ANGPTL7: variants seen among roughly 807,000 people sequenced by gnomAD.
ANGPTL7 encodes angiopoietin-related protein 7.
In ANGPTL7, 37 loss-of-function variants were observed where a neutral mutation model predicts 38.8. The observed-to-expected ratio is 0.95, with a 90% CI of 0.73 to 1.25. The LOEUF is 1.25. Among genes scored for constraint, ANGPTL7 ranks in the 50% most tolerant of loss-of-function variants. The pLI, the probability that ANGPTL7 is intolerant of heterozygous loss-of-function variation, is 0.00. For synonymous variants in ANGPTL7, 166 were observed against 163.2 expected, an observed-to-expected ratio of 1.02 and a Z score of -0.13; for missense variants, 427 against 438.6, an observed-to-expected ratio of 0.97 and a Z score of 0.24.
intron 1 of ANGPTL7, 117 bp from the exon 2 acceptor site, chr1:11,192,153 T>TG (rs1645563187): frequency 5.2e-6 from 4 of 774,148 alleles, no homozygotes; most frequent in Non-Finnish European, 8.7e-6. Flanking sequence ...CAGACACTGA[T>TG]GGGTAATTAA....
rs989129058 is a variant in ANGPTL7, at chr1:11,194,407, C to G, written c.673-54C>G. ...TGTCAGGAGAGAAGGGGTATAGAGACAGCATGAAATGGAGCCTGCTGCACT... is the reference window on the plus strand; with the variant it reads ...TGTCAGGAGAGAAGGGGTATAGAGAGAGCATGAAATGGAGCCTGCTGCACT... On this transcript the variant is annotated intron_variant, in intron 3 of 4. Transcript: ENST00000376819. 7.3e-5 allele frequency: 113 copies of G among 1,556,346 alleles called. No individual in the cohort carries two copies. The Admixed American group carries it at 1.9e-3, about 26-fold the overall frequency.
chr1:11,195,595 C>T lies in ANGPTL7; in HGVS notation c.*572C>T, dbSNP rs956724524. 3 of 154,182 alleles carry T rather than the reference C, an allele frequency of 1.9e-5. No homozygotes were observed. Among genetic ancestry groups the T allele is most frequent in the Admixed American group, 1.3e-4 (2 of 15,542 alleles). The allele number at this position is 154,182 out of a possible 1,614,324, so 9.6% of individuals were successfully genotyped here. A position where few individuals can be genotyped will look rare whatever the true frequency, so the allele number is the denominator to read the frequency against. ...CTGGAACTGACCCAGGCTGGACTTG[C>T]GGGGAGGAAACTCCAGGGCACTGCA... On this transcript the variant is annotated 3_prime_UTR_variant, in exon 5 of 5. Coordinates refer to ENST00000376819, the MANE Select transcript of ANGPTL7 (RefSeq NM_021146.4).
In ANGPTL7 at chr1:11,194,934, G is replaced by C; in HGVS notation, c.952G>C (p.Asp318His). ...CCTGGGTGAGCACAATAAGCACCTG[G>C]ATGGCATCACCTGGTATGGCTGGCA... ...YRLGEHNKHL[D>H]GITWYGWHGS... Residue 318 changes from aspartate to histidine, a missense_variant, in exon 5 of 5, where the codon GAT (aspartate) becomes CAT (histidine). Coordinates refer to ENST00000376819, the MANE Select transcript of ANGPTL7 (RefSeq NM_021146.4). The C allele has an allele frequency of 6.2e-7, 1 of 1,614,132 alleles. No homozygotes were observed. Among genetic ancestry groups the C allele is most frequent in the East Asian group, 2.2e-5 (1 of 44,868 alleles).
Position 11,194,964 on chromosome 1 carries a change from T to A in ANGPTL7, c.982T>A (p.Ser328Thr). 1.9e-6 allele frequency: 3 copies of A among 1,614,080 alleles called. No individual in the cohort carries two copies. The highest frequency in any genetic ancestry group is 2.5e-6 in the Non-Finnish European group (3 of 1,180,028). The change falls in exon 5 of 5, where the codon TCT becomes ACT. Residue 328 changes from serine to threonine, a missense_variant. Ser to Thr is a moderately conservative substitution (Grantham distance 58). Coordinates refer to ENST00000376819, the MANE Select transcript of ANGPTL7 (RefSeq NM_021146.4). ...CATCACCTGGTATGGCTGGCATGGA[T>A]CTACCTACTCCCTCAAACGGGTGGA... ...DGITWYGWHG[S>T]TYSLKRVEMK...
At chr1:11,194,707 A>T (rs1645712620) in intron 4 of ANGPTL7, 48 bp downstream of exon 4, 2 of 1,612,020 alleles carry the variant, frequency 1.2e-6, no homozygotes, top group Non-Finnish European at 1.7e-6. Context: ...ACAAGCTCAT[A>T]ATCCCACTTG....
rs771078043 is a variant in ANGPTL7, at chr1:11,189,787, C to G, written c.208C>G (p.Gln70Glu). 3.1e-6 allele frequency: 5 copies of G among 1,614,192 alleles called. No individual in the cohort carries two copies. The South Asian group carries it at 5.5e-5, about 18-fold the overall frequency. Reference sequence around the variant, plus strand: ...CCTGCTGAGTGAACTGAACAAGAAGCAGGAGAGGGACTGGGTCAGCGTGGT... The same window carrying G: ...CCTGCTGAGTGAACTGAACAAGAAGGAGGAGAGGGACTGGGTCAGCGTGGT... ...SSLLSELNKK[Q>E]ERDWVSVVMQ... is the part of the protein sequence containing the mutation. Residue 70 changes from glutamine to glutamate, a missense_variant, in exon 1 of 5, where the codon CAG becomes GAG. By Grantham distance (29) the Gln-to-Glu change is conservative. Coordinates refer to ENST00000376819, the MANE Select transcript of ANGPTL7 (RefSeq NM_021146.4).
In ANGPTL7 at chr1:11,189,710, A is replaced by G; in HGVS notation, c.131A>G (p.Asn44Ser). Residue 44 changes from asparagine (N) to serine (S), a missense_variant, in exon 1 of 5, where the codon AAC becomes AGC. Transcript: ENST00000376819. ...GCACAGCCACAGCTCAAAGCGGCCA[A>G]CTGCTGTGAGGAGGTGAAGGAGCTC... ...TPAQPQLKAA[N>S]CCEEVKELKA... 6.2e-7 allele frequency: 1 copy of G among 1,614,214 alleles called. No homozygotes were observed. The highest frequency in any genetic ancestry group is 8.5e-7 in the Non-Finnish European group (1 of 1,180,030).
At chr1:11,190,698 G>A (rs1406213708) in intron 1 of ANGPTL7, among the ~76,000 whole-genome samples, 1 of 152,172 alleles carries the variant, frequency 6.6e-6, no homozygotes, top group African/African-American at 2.4e-5. Context: ...CTCAGCTCAG[G>A]TGGGCCAACA....
intron 2 of ANGPTL7, 133 bp from the exon 3 acceptor site, chr1:11,193,447 G>A (rs1181963181): frequency 7.9e-6 from 6 of 761,524 alleles, no homozygotes; most frequent in Non-Finnish European, 1.2e-5. Flanking sequence ...CACTGCCCGA[G>A]TGAGCCAGTG....
In ANGPTL7 at chr1:11,194,619, C is replaced by T; in HGVS notation, c.831C>T (p.Asp277=). 6.2e-7 allele frequency: 1 copy of T among 1,614,176 alleles called. No individual in the cohort carries two copies. The highest frequency in any genetic ancestry group is 8.5e-7 in the Non-Finnish European group (1 of 1,180,028). ...NNTAFSTKDK[D]NDNCLDKCAQ... is the part of the protein sequence containing the mutation. ...CAGCCTTCAGCACCAAGGACAAGGA[C>T]AATGACAACTGCTTGGACAAGTGTG... is the stretch of plus-strand genomic sequence containing the variant. Residue 277 remains aspartate, a synonymous_variant, in exon 4 of 5, where the codon GAC becomes GAT. Transcript: ENST00000376819.
Position 11,189,967 on chromosome 1 carries a change from A to T in ANGPTL7, c.376+12A>T. ...TCAGACCTCCGCAGGTAAGGAGACCAGTCCCCTGAGGGAGCGTGGAGTGCC... is the reference window on the plus strand; with the variant it reads ...TCAGACCTCCGCAGGTAAGGAGACCTGTCCCCTGAGGGAGCGTGGAGTGCC... On this transcript the variant is annotated intron_variant, in intron 1 of 4. Transcript: ENST00000376819. The T allele has an allele frequency of 6.3e-7, 1 of 1,596,012 alleles. No homozygotes were observed. The highest frequency in any genetic ancestry group is 8.5e-7 in the Non-Finnish European group (1 of 1,171,294).
chr1:11,194,560 G>A lies in ANGPTL7; in HGVS notation c.772G>A (p.Val258Met), dbSNP rs758868900. 6.2e-7 allele frequency: 1 copy of A among 1,614,204 alleles called. No individual in the cohort carries two copies. The highest frequency in any genetic ancestry group is 8.5e-7 in the Non-Finnish European group (1 of 1,180,040). ...RLFLGNYTGNVGNDALQYHNN... is the reference protein window; with the variant it reads ...RLFLGNYTGNMGNDALQYHNN... ...CTTCCTGGGGAACTACACTGGCAAT[G>A]TGGGGAACGACGCCCTCCAGTATCA... Residue 258 changes from valine to methionine, a missense_variant, in exon 4 of 5, where the codon GTG (valine) becomes ATG (methionine). Val to Met is a conservative substitution (Grantham distance 21). Coordinates refer to ENST00000376819, the MANE Select transcript of ANGPTL7 (RefSeq NM_021146.4).
Position 11,189,697 on chromosome 1 carries a change from C to G in ANGPTL7, c.118C>G (p.Leu40Val). Residue 40 changes from leucine to valine, a missense_variant, in exon 1 of 5, where the codon CTC (leucine) becomes GTC (valine). Transcript: ENST00000376819. ...GCACAAGACACCAGCACAGCCACAG[C>G]TCAAAGCGGCCAACTGCTGTGAGGA... Reference protein sequence around the residue: ...SKHKTPAQPQLKAANCCEEVK... With the variant: ...SKHKTPAQPQVKAANCCEEVK... 6.2e-7 allele frequency: 1 copy of G among 1,614,216 alleles called. No individual in the cohort carries two copies. The highest frequency in any genetic ancestry group is 8.5e-7 in the Non-Finnish European group (1 of 1,180,040).
chr1:11,194,019 G>C (rs1216041511), intron 3 of ANGPTL7, among the ~76,000 whole-genome samples: 2 of 152,214 alleles, frequency 1.3e-5, no homozygotes, highest in Non-Finnish European at 2.9e-5. Flanking sequence ...GGCCAGAGTA[G>C]AGCAAATTCA....
rs775339107 is a variant in ANGPTL7 at position 11,194,670 on chromosome 1, G to T, written c.871+11G>T. On this transcript the variant is annotated intron_variant, in intron 4 of 4. Transcript: ENST00000376819. ...CACAGCTCCGCAAAGGTGAGATTTG[G>T]GGGGACCGGAAAGGAGAAGTTCAGG... 62 of 1,613,974 alleles carry T rather than the reference G, an allele frequency of 3.8e-5. No individual in the cohort carries two copies. Among genetic ancestry groups the T allele is most frequent in the Non-Finnish European group, 3.0e-5 (35 of 1,180,012 alleles).
chr1:11,190,572 AT>A (rs1337223599), intron 1 of ANGPTL7, among the ~76,000 whole-genome samples: 1 of 152,186 alleles, frequency 6.6e-6, no homozygotes, highest in Non-Finnish European at 1.5e-5. Flanking sequence ...ATGGTCTTAA[AT>A]GAATTTCTCC....
chr1:11,193,803 T>A (rs760338268), intron 3 of ANGPTL7, 29 bp downstream of exon 3: 1 of 1,612,010 alleles, frequency 6.2e-7, no homozygotes, highest in South Asian at 1.1e-5. Flanking sequence ...GCCCCATGAC[T>A]GGACCAGTGC....
In ANGPTL7 at chr1:11,194,963, A is replaced by G. The variant is rs1645726557; in HGVS notation, c.981A>G (p.Gly327=). 6.2e-7 allele frequency: 1 copy of G among 1,613,976 alleles called. No homozygotes were observed. The highest frequency in any genetic ancestry group is 1.3e-5 in the African/African-American group (1 of 74,892). Residue 327 remains glycine, a synonymous_variant, in exon 5 of 5, where the codon GGA becomes GGG. Transcript: ENST00000376819. The part of the protein sequence containing the change: ...LDGITWYGWH[G]STYSLKRVEM... ...GCATCACCTGGTATGGCTGGCATGG[A>G]TCTACCTACTCCCTCAAACGGGTGG...
In ANGPTL7 at chr1:11,189,564, C is replaced by T. The variant is rs370050492; in HGVS notation, c.-16C>T. The T allele has an allele frequency of 3.2e-5, 50 of 1,578,174 alleles. No homozygotes were observed. The Middle Eastern group carries it at 1.2e-3, about 38-fold the overall frequency. ...TCCCCTGAAGGAAGAGCCTTCCTCA[C>T]CCAAACCCACAAAAGATGCTGAAAA... On this transcript the variant is annotated 5_prime_UTR_variant, in exon 1 of 5. Coordinates refer to ENST00000376819, the MANE Select transcript of ANGPTL7 (RefSeq NM_021146.4).
Sources: allele counts gnomAD v4.1 joint callset (sites outside exome capture counted in the v4.1 genomes callset), GRCh38; gene constraint gnomAD v4.1.1; transcripts MANE v1.5; gene names NCBI Gene and HGNC (gene_info 2026-07-23, HGNC 2026-07-21).